The following RPS6KA5 variants were observed in gnomAD, a reference collection of about 807,000 sequenced individuals.
RPS6KA5 encodes ribosomal protein S6 kinase alpha-5.
RPS6KA5 carries 27 observed loss-of-function variants against 85.5 expected under a neutral mutation model. The observed-to-expected ratio is 0.32, with a 90% CI of 0.23 to 0.44. RPS6KA5 has a LOEUF of 0.44. RPS6KA5 is among the 20% of genes least tolerant of loss of function. The pLI is 1.00. For missense variants in RPS6KA5, 811 were observed against 980.9 expected (o/e 0.83, Z 2.31); for synonymous variants, 334 against 348.2 (o/e 0.96, Z 0.46).
At chr14:90,910,531 G>GAAAAA (rs894769448) in intron 7 of RPS6KA5, among the ~76,000 whole-genome samples, 1 of 144,054 alleles carries the variant, frequency 6.9e-6, no homozygotes, top group African/African-American at 2.9e-5. Flanking sequence ...AAATGTTTTA[G>GAAAAA]AAAAAGTAAA....
intron 2 of RPS6KA5, among the ~76,000 whole-genome samples, chr14:90,984,927 C>T (rs1396320885): frequency 6.6e-6 from 1 of 151,962 alleles, no homozygotes; most frequent in Non-Finnish European, 1.5e-5. Context: ...TAAACATGTT[C>T]ATAAGTAGCC....
At chr14:90,874,672 A>C (rs1017398822) in intron 15 of RPS6KA5, among the ~76,000 whole-genome samples, 3 of 152,188 alleles carry the variant, frequency 2.0e-5, no homozygotes, top group African/African-American at 7.2e-5. Context: ...AGTCAGAGGA[A>C]GTGAGGCAAG....
intron 1 of RPS6KA5, among the ~76,000 whole-genome samples, chr14:91,043,030 C>T (rs943700856): frequency 1.3e-5 from 2 of 152,060 alleles, no homozygotes; most frequent in African/African-American, 4.8e-5. Context: ...CCATTCCAAT[C>T]CGGCTTCTCC....
intron 3 of RPS6KA5, among the ~76,000 whole-genome samples, chr14:90,967,897 C>A (rs148441399): frequency 9.5e-4 from 144 of 152,284 alleles, no homozygotes; most frequent in Non-Finnish European, 1.8e-3. Flanking sequence ...CCCATCTTGT[C>A]TTTCTTCTTT....
At chr14:90,898,967 A>G (rs533995297) in intron 12 of RPS6KA5, among the ~76,000 whole-genome samples, 73 of 152,282 alleles carry the variant, frequency 4.8e-4, no homozygotes, top group Admixed American at 3.2e-3. Context: ...GAGGCTCAAA[A>G]TTCCTGAGTC....
chr14:90,983,839 CTTTCTTTT>C lies in RPS6KA5; in HGVS notation c.176-5323_176-5316del, dbSNP rs548711495. ...TCTGTCTCTCTCTCTCTCTCTCTCT[CTTTCTTTT>C]TTTCTTTCTTTCTTTCTGACCAAGT... is the stretch of plus-strand genomic sequence containing the variant. On this transcript the variant is annotated intron_variant, in intron 2 of 16. Transcript: ENST00000614987. Among the ~76,000 whole-genome samples, 271 of 135,166 alleles carry C rather than the reference CTTTCTTTT, an allele frequency of 2.0e-3. 1 individual carries two copies. The highest frequency in any genetic ancestry group is 0.011 in the Middle Eastern group (3 of 278). The allele number at this position is 135,166 out of a possible 152,430, so 88.7% of individuals were successfully genotyped here.
Position 90,894,580 on chromosome 14 carries a change from G to A in RPS6KA5, c.1477C>T (p.His493Tyr). The A allele has an allele frequency of 6.2e-7, 1 of 1,613,484 alleles. No homozygotes were observed. ...KLHEVFHDQLHTFLVMELLNG... is the reference protein window; with the variant it reads ...KLHEVFHDQLYTFLVMELLNG... ...AGAAGTTCCATCACTAGAAACGTGT[G>A]AAGCTAGAAAAGAGAAAGAATAACG... The change falls in exon 13 of 17, where the codon CAC (histidine) becomes TAC (tyrosine). Residue 493 changes from histidine to tyrosine, a missense_variant. Transcript: ENST00000614987.
chr14:90,890,388 A>T, intron 14 of RPS6KA5, 99 bp downstream of exon 14: 1 of 1,101,036 alleles, frequency 9.1e-7, no homozygotes, highest in Non-Finnish European at 1.2e-6. Context: ...CCACTTTGCC[A>T]ATTTTTTCAT....
At chr14:91,023,311 CAG>C (rs2041863840) in intron 1 of RPS6KA5, among the ~76,000 whole-genome samples, 1 of 150,300 alleles carries the variant, frequency 6.7e-6, no homozygotes, top group Non-Finnish European at 1.5e-5. Context: ...TTTTTGGAGA[CAG>C]AGTCTCACTC....
At chr14:90,920,105 T>G in intron 7 of RPS6KA5, 101 bp downstream of exon 7, 1 of 801,564 alleles carries the variant, frequency 1.2e-6, no homozygotes, top group East Asian at 2.5e-5. Flanking sequence ...ACTTTGTCTA[T>G]CCTCATTTTA....
At chr14:90,968,590 T>C (rs2039180734) in intron 3 of RPS6KA5, among the ~76,000 whole-genome samples, 2 of 152,124 alleles carry the variant, frequency 1.3e-5, no homozygotes, top group Admixed American at 6.5e-5. Flanking sequence ...AAGCTAAAAA[T>C]AACCTCTTGT....
At chr14:90,976,266 G>A (rs1263387215) in intron 3 of RPS6KA5, among the ~76,000 whole-genome samples, 3 of 150,788 alleles carry the variant, frequency 2.0e-5, no homozygotes, top group Non-Finnish European at 4.4e-5. Flanking sequence ...GAGTAATGGT[G>A]CAGAGTCCAG....
chr14:90,906,981 T>C (rs2035540553), intron 7 of RPS6KA5, among the ~76,000 whole-genome samples: 1 of 152,188 alleles, frequency 6.6e-6, no homozygotes, highest in South Asian at 2.1e-4. Flanking sequence ...CCACAATTTA[T>C]TATGGAAAAT....
intron 7 of RPS6KA5, among the ~76,000 whole-genome samples, chr14:90,916,477 G>C (rs2036123647): frequency 1.3e-5 from 2 of 151,972 alleles, no homozygotes; most frequent in African/African-American, 4.8e-5. Flanking sequence ...CAGAGTTCAG[G>C]GAAGATCATA....
chr14:91,008,287 T>A (rs1430036019), intron 1 of RPS6KA5, among the ~76,000 whole-genome samples: 1 of 152,232 alleles, frequency 6.6e-6, no homozygotes, highest in Admixed American at 6.5e-5. Context: ...TTTGAAGCCA[T>A]TTCAAATACA....
At chr14:90,921,024 G>C (rs1040519141) in intron 6 of RPS6KA5, among the ~76,000 whole-genome samples, 1 of 152,106 alleles carries the variant, frequency 6.6e-6, no homozygotes, top group Non-Finnish European at 1.5e-5. Context: ...GAGCCACCAT[G>C]CCTGGCCTAA....
At chr14:90,956,457 C>T (rs935881185) in intron 3 of RPS6KA5, among the ~76,000 whole-genome samples, 4 of 151,978 alleles carry the variant, frequency 2.6e-5, no homozygotes, top group Admixed American at 6.6e-5. Context: ...AGTGAGATCT[C>T]CCCCAGTCTG....
Position 91,026,560 on chromosome 14 carries a change from T to C in RPS6KA5, c.104-25401A>G, listed in dbSNP as rs190029678. Among the ~76,000 whole-genome samples, 4 of 152,294 alleles carry C rather than the reference T, an allele frequency of 2.6e-5. No individual in the cohort carries two copies. The East Asian group carries it at 7.7e-4, about 29-fold the overall frequency. On this transcript the variant is annotated intron_variant, in intron 1 of 16. Transcript: ENST00000614987. ...ACATTTTCTTTATCTAATCCACCAA[T>C]GACGGGCACCCACACTAATTCCATG...
intron 1 of RPS6KA5, among the ~76,000 whole-genome samples, chr14:91,007,417 AAATC>A (rs1005457228): frequency 2.0e-5 from 3 of 152,250 alleles, no homozygotes; most frequent in African/African-American, 7.2e-5. Flanking sequence ...AATTTGGACT[AAATC>A]AATAAATATT....
Sources: gnomAD v4.1 joint callset for allele counts (sites outside exome capture counted in the v4.1 genomes callset) on GRCh38, gnomAD v4.1.1 for gene constraint, MANE v1.5 for transcripts, NCBI Gene and HGNC (gene_info 2026-07-23, HGNC 2026-07-21) for gene names.